Variants in GRIN2A observed in about 807,000 individuals in gnomAD.
GRIN2A encodes glutamate ionotropic receptor NMDA type subunit 2A, also known as glutamate receptor ionotropic, NMDA 2A.
A neutral mutation model predicts 113.4 loss-of-function variants in GRIN2A; 22 were observed. That is an observed-to-expected ratio of 0.19 (90% CI 0.14 to 0.28). GRIN2A has a LOEUF of 0.28. GRIN2A is among the 10% of genes least tolerant of loss of function. The pLI is 1.00. For missense variants in GRIN2A, 1,502 were observed against 1,887.0 expected (o/e 0.80, Z 3.78); for synonymous variants, 827 against 738.4 (o/e 1.12, Z -1.94).
At chr16:10,096,083 G>C (rs1337922642) in intron 2 of GRIN2A, among the ~76,000 whole-genome samples, 1 of 152,126 alleles carries the variant, frequency 6.6e-6, no homozygotes, top group East Asian at 1.9e-4. Flanking sequence ...TGCATATACA[G>C]TTTAAAAAAC....
chr16:9,870,503 G>C (rs183385151), intron 4 of GRIN2A, among the ~76,000 whole-genome samples: 2 of 152,290 alleles, frequency 1.3e-5, no homozygotes, highest in Admixed American at 1.3e-4. Context: ...CTCTTTATGG[G>C]CTAGAAGTTG....
intron 4 of GRIN2A, among the ~76,000 whole-genome samples, chr16:9,863,291 G>C (rs1214102055): frequency 6.6e-6 from 1 of 152,200 alleles, no homozygotes; most frequent in African/African-American, 2.4e-5. Context: ...GGAGAAGCCA[G>C]GTTCTCGCCC....
intron 4 of GRIN2A, among the ~76,000 whole-genome samples, chr16:9,852,267 G>A (rs2042897330): frequency 6.6e-6 from 1 of 152,204 alleles, no homozygotes; most frequent in Non-Finnish European, 1.5e-5. Context: ...TTCTCGCTAT[G>A]TACAGTGTTT....
intron 2 of GRIN2A, among the ~76,000 whole-genome samples, chr16:10,160,894 G>A (rs575220894): frequency 1.1e-4 from 16 of 152,314 alleles, no homozygotes; most frequent in African/African-American, 3.4e-4. Flanking sequence ...GCAGAGGCAC[G>A]TTCGTGGAGC....
intron 2 of GRIN2A, among the ~76,000 whole-genome samples, chr16:10,119,723 C>T (rs1353915505): frequency 6.6e-6 from 1 of 152,188 alleles, no homozygotes; most frequent in Admixed American, 6.5e-5. Flanking sequence ...TTTTTATCCT[C>T]TCCCTCCTCC....
Position 9,938,012 on chromosome 16 carries a change from G to C in GRIN2A, c.954C>G (p.Ala318=), listed in dbSNP as rs2044755576. The C allele has an allele frequency of 6.2e-7, 1 of 1,614,064 alleles. No homozygotes were observed. The highest frequency in any genetic ancestry group is 1.1e-5 in the South Asian group (1 of 91,080). Residue 318 remains alanine (A), a synonymous_variant, in exon 3 of 13, where the codon GCC becomes GCG. Transcript: ENST00000330684. ...GCCTCTCCATCTGCCCGTAGCAGCT[G>C]GCCTTGGCCTCGGGGATGTAGGAGA... is the stretch of plus-strand genomic sequence containing the variant. The part of the protein sequence containing the change: ...EKFSYIPEAK[A]SCYGQMERPE...
At chr16:9,876,913 T>C (rs1015677354) in intron 4 of GRIN2A, among the ~76,000 whole-genome samples, 15 of 152,184 alleles carry the variant, frequency 9.9e-5, no homozygotes, top group Admixed American at 8.5e-4. Context: ...ATAGTTACTT[T>C]GTCCTAAAGA....
chr16:9,773,502 C>A (rs764227071), intron 11 of GRIN2A, among the ~76,000 whole-genome samples: 3 of 152,182 alleles, frequency 2.0e-5, no homozygotes, highest in Non-Finnish European at 2.9e-5. Context: ...AAATCTCTTT[C>A]CTGAAGCAGA....
chr16:10,128,739 G>T (rs1408114418), intron 2 of GRIN2A, among the ~76,000 whole-genome samples: 1 of 152,166 alleles, frequency 6.6e-6, no homozygotes, highest in East Asian at 1.9e-4. Flanking sequence ...GCCAAGCTAG[G>T]CTGCTAAGAA....
At chr16:10,067,204 G>A (rs2047666417) in intron 2 of GRIN2A, among the ~76,000 whole-genome samples, 1 of 151,984 alleles carries the variant, frequency 6.6e-6, no homozygotes, top group South Asian at 2.1e-4. Context: ...TTTTTCTGAA[G>A]CCGTTTTTTC....
intron 2 of GRIN2A, among the ~76,000 whole-genome samples, chr16:10,039,813 A>AAGAGAGAGAGAGAGAG (rs142696536): frequency 1.4e-5 from 1 of 73,582 alleles, no homozygotes; most frequent in African/African-American, 6.7e-5. Context: ...GGGGGGGAGA[A>AAGAGAGAGAGAGAGAG]AGAGAGAGAG....
intron 3 of GRIN2A, among the ~76,000 whole-genome samples, chr16:9,912,503 T>A (rs2044163872): frequency 1.2e-5 from 1 of 86,492 alleles, no homozygotes; most frequent in African/African-American, 4.7e-5. Flanking sequence ...AAATTCAGAG[T>A]AAGTGGGTGG....
Position 10,180,601 on chromosome 16 carries a change from C to T in GRIN2A, c.-18-172G>A. On this transcript the variant is annotated intron_variant, in intron 1 of 12. Coordinates refer to ENST00000330684, the MANE Select transcript of GRIN2A (RefSeq NM_001134407.3). This position sits in a 1 kb window ranked among gnomAD's most constrained non-coding sequence, Gnocchi z 7.0. Reference sequence around the variant, plus strand: ...CCCGACGCCATCCACATCCCTCGATCCATCTCTAACTCTATCCACAACTCC... The same window carrying T: ...CCCGACGCCATCCACATCCCTCGATTCATCTCTAACTCTATCCACAACTCC... The T allele has an allele frequency of 1.6e-6, 1 of 635,132 alleles. No homozygotes were observed. 39.3% of individuals were successfully genotyped at this position (635,132 alleles called of 1,614,324 possible).
At chr16:10,000,721 C>T (rs956156004) in intron 2 of GRIN2A, among the ~76,000 whole-genome samples, 3 of 152,156 alleles carry the variant, frequency 2.0e-5, no homozygotes, top group Non-Finnish European at 4.4e-5. Context: ...TTTTGGACAG[C>T]ACCTTGTAAA....
Position 9,764,305 on chromosome 16 carries a change from T to C in GRIN2A, c.3239A>G (p.His1080Arg). Reference protein sequence around the residue: ...CHREPDNSKNHKTKDNFKRSV... With the variant: ...CHREPDNSKNRKTKDNFKRSV... ...CCTTTTAAAGTTGTCCTTGGTTTTG[T>C]GGTTCTTACTGTTGTCAGGTTCCCT... Residue 1080 changes from histidine to arginine, a missense_variant, in exon 13 of 13, where the codon CAC becomes CGC. His to Arg is a conservative substitution (Grantham distance 29). Around this residue, in one of 7 missense-constraint regions of GRIN2A, gnomAD observed 832 missense variants for 789.7 expected, o/e 1.05. Transcript: ENST00000330684. 6.2e-7 allele frequency: 1 copy of C among 1,614,094 alleles called. No homozygotes were observed. The highest frequency in any genetic ancestry group is 8.5e-7 in the Non-Finnish European group (1 of 1,179,996).
At chr16:9,993,341 G>A (rs546623954) in intron 2 of GRIN2A, among the ~76,000 whole-genome samples, 38 of 152,252 alleles carry the variant, frequency 2.5e-4, no homozygotes, top group South Asian at 1.2e-3. Flanking sequence ...TTTGAAGCCA[G>A]GAGTTCGAGA....
chr16:10,051,660 G>T (rs993246566), intron 2 of GRIN2A, among the ~76,000 whole-genome samples: 2 of 152,220 alleles, frequency 1.3e-5, no homozygotes, highest in African/African-American at 4.8e-5. Flanking sequence ...TTGGCAAAGA[G>T]AAAGGGTATT....
intron 5 of GRIN2A, among the ~76,000 whole-genome samples, chr16:9,843,251 C>G (rs1335773423): frequency 6.6e-6 from 1 of 152,118 alleles, no homozygotes; most frequent in African/African-American, 2.4e-5. Flanking sequence ...ATTGGCAACA[C>G]AGACACACAC....
chr16:9,887,598 C>A (rs2043609538), intron 4 of GRIN2A, among the ~76,000 whole-genome samples: 1 of 152,074 alleles, frequency 6.6e-6, no homozygotes, highest in Non-Finnish European at 1.5e-5. Flanking sequence ...TGAATTATTT[C>A]TGATGTTTTG....
Sources: allele counts gnomAD v4.1 joint callset (sites outside exome capture counted in the v4.1 genomes callset), GRCh38; gene constraint gnomAD v4.1.1; regional missense constraint gnomAD v4.1.1; non-coding constraint Gnocchi (gnomAD v3.1); transcripts MANE v1.5; gene names NCBI Gene and HGNC (gene_info 2026-07-23, HGNC 2026-07-21).